Variants in WNT5B observed in about 807,000 individuals in gnomAD.
WNT5B encodes protein Wnt-5b.
WNT5B carries 18 observed loss-of-function variants against 36.5 expected under a neutral mutation model. That is an observed-to-expected ratio of 0.49 (90% CI 0.34 to 0.73). The LOEUF (loss-of-function observed/expected upper bound fraction) is 0.73. Among genes scored for constraint, WNT5B ranks in the 30% least tolerant of loss-of-function variants. The probability of loss-of-function intolerance (pLI) is 0.01; values close to 1 mark genes in which losing one functional copy is unlikely to be tolerated. For synonymous variants in WNT5B, 213 were observed against 212.3 expected, an observed-to-expected ratio of 1.00 and a Z score of -0.03; for missense variants, 424 against 508.4, an observed-to-expected ratio of 0.83 and a Z score of 1.60.
chr12:1,636,151 T>C (rs1485082242), intron 3 of WNT5B, among the ~76,000 whole-genome samples: 1 of 152,152 alleles, frequency 6.6e-6, no homozygotes, highest in East Asian at 1.9e-4. Context: ...TAAGTATCAT[T>C]TGTTATTTCT....
chr12:1,618,300 A>G lies in WNT5B; in HGVS notation c.-58+1157A>G, dbSNP rs1286878876. On this transcript the variant is annotated intron_variant, in intron 1 of 4. Transcript: ENST00000310594. This position sits in a 1 kb window ranked among gnomAD's most constrained non-coding sequence, Gnocchi z 4.1. ...ATTTTTATTCTAATTAGCGCATGGCATAGAGAGAGGTTATCCACCTGCCCT... is the reference window on the plus strand; with the variant it reads ...ATTTTTATTCTAATTAGCGCATGGCGTAGAGAGAGGTTATCCACCTGCCCT... 6.6e-6 allele frequency among the ~76,000 whole-genome samples: 1 copy of G among 152,232 alleles called. No individual in the cohort carries two copies. Among genetic ancestry groups the G allele is most frequent in the Non-Finnish European group, 1.5e-5 (1 of 68,042 alleles).
chr12:1,628,043 C>T (rs547510450), upstream of WNT5B, among the ~76,000 whole-genome samples: 10 of 152,274 alleles, frequency 6.6e-5, 1 homozygote, highest in African/African-American at 2.4e-4. Context: ...AGGAACAGAG[C>T]AGATGTCTGA....
chr12:1,628,828 A>AGCT (rs1261784144), upstream of WNT5B, among the ~76,000 whole-genome samples: 2 of 152,062 alleles, frequency 1.3e-5, no homozygotes, highest in Non-Finnish European at 2.9e-5. Flanking sequence ...GAGGGCAAAC[A>AGCT]GCTGCCTGGC....
At chr12:1,635,213 A>G (rs1033973051) in intron 3 of WNT5B, among the ~76,000 whole-genome samples, 3 of 152,218 alleles carry the variant, frequency 2.0e-5, no homozygotes, top group Non-Finnish European at 2.9e-5. Flanking sequence ...GATCCCAAAC[A>G]GTCATGATAG....
chr12:1,620,887 A>G (rs2094532918), intron 1 of WNT5B, among the ~76,000 whole-genome samples: 1 of 104,392 alleles, frequency 9.6e-6, no homozygotes, highest in Non-Finnish European at 2.0e-5. Context: ...TATTATTGGT[A>G]GAGACAGGTT....
upstream of WNT5B, among the ~76,000 whole-genome samples, chr12:1,627,393 G>T (rs1203005494): frequency 6.6e-6 from 1 of 152,216 alleles, no homozygotes; most frequent in Non-Finnish European, 1.5e-5. This position sits in a 1 kb window ranked among gnomAD's most constrained non-coding sequence, Gnocchi z 5.0. Flanking sequence ...CTAGATATCA[G>T]TGGGTTTGTG....
chr12:1,638,911 G>C (rs1312892446), intron 3 of WNT5B, among the ~76,000 whole-genome samples: 2 of 152,230 alleles, frequency 1.3e-5, no homozygotes, highest in African/African-American at 2.4e-5. Context: ...TAGAGCGTGA[G>C]AAATGGCATC....
At chr12:1,622,714 C>T (rs1028266621) in intron 1 of WNT5B, among the ~76,000 whole-genome samples, 4 of 152,182 alleles carry the variant, frequency 2.6e-5, no homozygotes, top group Non-Finnish European at 5.9e-5. Flanking sequence ...CCCACATACC[C>T]CTGTGTACTA....
rs747886551 is a variant in WNT5B, at chr12:1,632,847, G to A, written c.270G>A (p.Arg90=). The part of the protein sequence containing the change: ...IKECQHQFRQ[R]RWNCSTADNA... ...AATGCCAGCACCAGTTCCGGCAGCG[G>A]CGGTGGAATTGCAGCACAGCGGACA... Residue 90 remains arginine, a synonymous_variant, in exon 3 of 5, where the codon CGG becomes CGA. Transcript: ENST00000397196. The surrounding 1 kb of genome is among the most constrained non-coding windows in gnomAD (Gnocchi z 5.8). The A allele has an allele frequency of 2.5e-6, 4 of 1,614,164 alleles. No homozygotes were observed. The highest frequency in any genetic ancestry group is 4.5e-5 in the East Asian group (2 of 44,884).
chr12:1,631,948 T>C (rs955665832), intron 2 of WNT5B, among the ~76,000 whole-genome samples: 4 of 152,296 alleles, frequency 2.6e-5, no homozygotes, highest in South Asian at 2.1e-4. Flanking sequence ...TCTCTGCCAC[T>C]AGCATTTTTA....
rs2094576646 is a variant in WNT5B at position 1,642,175 on chromosome 12, CGT to C, written c.621+2205_621+2206del. Among the ~76,000 whole-genome samples, 4 of 152,194 alleles carry C rather than the reference CGT, an allele frequency of 2.6e-5. No individual in the cohort carries two copies. In the South Asian group the frequency reaches 8.3e-4, roughly 32 times the overall value. On this transcript the variant is annotated intron_variant, in intron 4 of 4. Coordinates refer to ENST00000397196, the MANE Select transcript of WNT5B (RefSeq NM_032642.3). ...CATCTCAGATGACTTCTGCTCAGGG[CGT>C]GTGTGGAGCCACCCGGTCTCTCAGG...
intron 3 of WNT5B, among the ~76,000 whole-genome samples, chr12:1,639,305 T>C (rs995881415): frequency 4.1e-4 from 62 of 151,660 alleles, no homozygotes; most frequent in Non-Finnish European, 2.8e-4. Flanking sequence ...GCCCGGCTAA[T>C]TTTTTGTATT....
Position 1,639,566 on chromosome 12 carries a change from C to CT in WNT5B, c.329-117dup. On this transcript the variant is annotated intron_variant, in intron 3 of 4. Transcript: ENST00000397196. ...TTAGAGCTACGGGAAGCGAAGCCCC[C>CT]TGCCCCAGGGGTGTCAGCAGAGCCG... The CT allele has an allele frequency of 4.2e-6, 5 of 1,188,072 alleles. No homozygotes were observed. In the South Asian group the frequency reaches 8.5e-5, roughly 20 times the overall value. The allele number at this position is 1,188,072 out of a possible 1,614,324, so 73.6% of individuals were successfully genotyped here.
intron 1 of WNT5B, among the ~76,000 whole-genome samples, chr12:1,617,928 C>A (rs896783420): frequency 6.6e-6 from 1 of 152,078 alleles, no homozygotes; most frequent in Admixed American, 6.6e-5. Context: ...TGCTTGAGGC[C>A]GGGAGTTCAA....
rs1040079333 is a variant in WNT5B at position 1,646,141 on chromosome 12, C to T, written c.969C>T (p.Tyr323=). ...AGCTCATGTGCTGCGGGCGTGGCTA[C>T]AACCAGTTCAAGAGCGTGCAGGTGG... ...GCELMCCGRG[Y]NQFKSVQVER... Residue 323 remains tyrosine, a synonymous_variant, in exon 5 of 5, where the codon TAC becomes TAT. Coordinates refer to ENST00000397196, the MANE Select transcript of WNT5B (RefSeq NM_032642.3). 3 of 1,613,692 alleles carry T rather than the reference C, an allele frequency of 1.9e-6. No individual in the cohort carries two copies. Among genetic ancestry groups the T allele is most frequent in the Non-Finnish European group, 2.5e-6 (3 of 1,180,042 alleles).
rs771500550 is a variant in WNT5B, at chr12:1,623,187, GTTTTTTTT to G, written c.-58+6063_-58+6070del. Among the ~76,000 whole-genome samples, 508 of 58,392 alleles carry G rather than the reference GTTTTTTTT, an allele frequency of 8.7e-3. 3 individuals are homozygous for G. Among genetic ancestry groups the G allele is most frequent in the African/African-American group, 0.034 (467 of 13,912 alleles). The allele number at this position is 58,392 out of a possible 152,430, so 38.3% of individuals were successfully genotyped here. Reference sequence around the variant, plus strand: ...GGAAACCTTTGAAGGGTTTTTTGTTGTTTTTTTTTTTTTTTTTTTTTTTTTTGAGACGG... The same window carrying G: ...GGAAACCTTTGAAGGGTTTTTTGTTGTTTTTTTTTTTTTTTTTTGAGACGG... On this transcript the variant is annotated intron_variant, in intron 1 of 4. Coordinates refer to the WNT5B transcript ENST00000310594.
intron 4 of WNT5B, among the ~76,000 whole-genome samples, chr12:1,641,296 G>T (rs1475988654): frequency 6.6e-6 from 1 of 151,186 alleles, no homozygotes; most frequent in Non-Finnish European, 1.5e-5. Context: ...TGAGGCAGGA[G>T]AATTGCTTGA....
chr12:1,634,276 C>A (rs987074213), intron 3 of WNT5B, among the ~76,000 whole-genome samples: 1 of 152,128 alleles, frequency 6.6e-6, no homozygotes, highest in Non-Finnish European at 1.5e-5. Context: ...TTCTTTCTGG[C>A]GAAAATCTTG....
chr12:1,618,609 T>C lies in WNT5B; in HGVS notation c.-58+1466T>C, dbSNP rs1043641435. Among the ~76,000 whole-genome samples the C allele has an allele frequency of 2.0e-4, 31 of 152,234 alleles. 1 individual carries two copies. Among genetic ancestry groups the C allele is most frequent in the Admixed American group, 1.3e-4 (2 of 15,278 alleles). ...CTTCTGCCTTCTTTTCTAGAGCATA[T>C]TTTAAAACTATTTTATTAGTATTCA... On this transcript the variant is annotated intron_variant, in intron 1 of 4. Transcript: ENST00000310594. The surrounding 1 kb of genome is among the most constrained non-coding windows in gnomAD (Gnocchi z 4.1).
Sources: allele counts gnomAD v4.1 joint callset (sites outside exome capture counted in the v4.1 genomes callset), GRCh38; gene constraint gnomAD v4.1.1; non-coding constraint Gnocchi (gnomAD v3.1); transcripts MANE v1.5; gene names NCBI Gene and HGNC (gene_info 2026-07-23, HGNC 2026-07-21).